ATG10: variants seen among roughly 807,000 people sequenced by gnomAD.
ATG10 encodes autophagy related 10.
In ATG10, 30 loss-of-function variants were observed where a neutral mutation model predicts 32.1. The ratio of observed to expected loss-of-function variants is 0.94; its 90% CI spans 0.70 to 1.27. The LOEUF is 1.27. ATG10 is among the 50% of genes most tolerant of loss of function. The pLI is 0.00. For missense variants in ATG10, 233 were observed against 262.3 expected (o/e 0.89, Z 0.77); for synonymous variants, 87 against 91.5 (o/e 0.95, Z 0.28).
chr5:82,242,468 C>A (rs1326061480), intron 5 of ATG10, among the ~76,000 whole-genome samples: 2 of 151,994 alleles, frequency 1.3e-5, no homozygotes, highest in Non-Finnish European at 2.9e-5. Context: ...AGAGCTGATG[C>A]TGAGAATTTT....
intron 5 of ATG10, among the ~76,000 whole-genome samples, chr5:82,194,141 T>G (rs1431346886): frequency 6.6e-6 from 1 of 152,132 alleles, no homozygotes; most frequent in African/African-American, 2.4e-5. Context: ...GCCCCATATG[T>G]GAGTGGAGAC....
At position 82,255,329 on chromosome 5, in the gene ATG10, A is replaced by G. The variant is rs1364584635; in HGVS notation, c.*1266A>G. 1.3e-5 allele frequency: 2 copies of G among 152,220 alleles called. No homozygotes were observed. Among genetic ancestry groups the G allele is most frequent in the African/African-American group, 4.8e-5 (2 of 41,456 alleles). The allele number at this position is 152,220 out of a possible 1,614,324, so 9.4% of individuals were successfully genotyped here. A position where few individuals can be genotyped will look rare whatever the true frequency, so the allele number is the denominator to read the frequency against. On this transcript the variant is annotated 3_prime_UTR_variant, in exon 8 of 8. Transcript: ENST00000282185. ...CTCACCTTTCTTGTATATAATTGGT[A>G]TTCACTAAGGCTGTAAATAAGTTTC...
At chr5:82,124,523 T>A (rs1256521680) in intron 3 of ATG10, among the ~76,000 whole-genome samples, 5 of 151,708 alleles carry the variant, frequency 3.3e-5, no homozygotes, top group Admixed American at 3.3e-4. Flanking sequence ...TGTTCAACTC[T>A]CATTTATAAG....
intron 5 of ATG10, among the ~76,000 whole-genome samples, chr5:82,185,637 A>G (rs894121814): frequency 2.0e-5 from 3 of 152,150 alleles, no homozygotes; most frequent in African/African-American, 7.2e-5. Flanking sequence ...AAATAAAAAC[A>G]CAACAAAAAA....
chr5:82,130,912 G>C (rs550027564), intron 3 of ATG10, among the ~76,000 whole-genome samples: 1 of 152,236 alleles, frequency 6.6e-6, no homozygotes, highest in South Asian at 2.1e-4. Flanking sequence ...CAATCATCAT[G>C]TCCTTTGCAG....
At chr5:82,082,487 T>C (rs1764518247) in intron 3 of ATG10, among the ~76,000 whole-genome samples, 1 of 152,198 alleles carries the variant, frequency 6.6e-6, no homozygotes, top group South Asian at 2.1e-4. Context: ...TAATGTCTCA[T>C]GGGCAGCTTC....
intron 2 of ATG10, among the ~76,000 whole-genome samples, chr5:82,036,736 G>T (rs777898248): frequency 6.6e-6 from 1 of 152,002 alleles, no homozygotes; most frequent in East Asian, 1.9e-4. Context: ...TAAAAAACTT[G>T]TTGGGATTTT....
At chr5:82,021,800 G>A (rs1388208354) in intron 2 of ATG10, among the ~76,000 whole-genome samples, 3 of 151,950 alleles carry the variant, frequency 2.0e-5, no homozygotes, top group Admixed American at 6.6e-5. Flanking sequence ...CGAGGCGGGC[G>A]GATCACAAGG....
chr5:81,974,187 A>G (rs1760807148), intron 1 of ATG10, among the ~76,000 whole-genome samples: 1 of 152,202 alleles, frequency 6.6e-6, no homozygotes. Context: ...TGTTTGAATC[A>G]TAAATATAAT....
intron 4 of ATG10, among the ~76,000 whole-genome samples, chr5:82,172,472 G>A (rs1007919130): frequency 5.9e-5 from 9 of 152,070 alleles, no homozygotes; most frequent in African/African-American, 2.2e-4. Flanking sequence ...ATTGGAAATG[G>A]TGCTTGACAC....
At chr5:82,054,361 G>A (rs1197620084) in intron 2 of ATG10, among the ~76,000 whole-genome samples, 1 of 152,168 alleles carries the variant, frequency 6.6e-6, no homozygotes, top group Non-Finnish European at 1.5e-5. Flanking sequence ...AGGAGGTCTG[G>A]GGTGAGGCTT....
At chr5:82,225,493 C>T (rs1469914455) in intron 5 of ATG10, among the ~76,000 whole-genome samples, 1 of 152,208 alleles carries the variant, frequency 6.6e-6, no homozygotes, top group Non-Finnish European at 1.5e-5. Flanking sequence ...AAGGTAAAAG[C>T]ATTTTGCTTT....
intron 5 of ATG10, among the ~76,000 whole-genome samples, chr5:82,249,429 G>C (rs2150028642): frequency 6.6e-6 from 1 of 152,172 alleles, no homozygotes; most frequent in East Asian, 1.9e-4. Flanking sequence ...TTTATTATAG[G>C]GTACCATAAG....
chr5:81,999,255 T>G (rs1761763952), intron 2 of ATG10, among the ~76,000 whole-genome samples: 1 of 151,796 alleles, frequency 6.6e-6, no homozygotes, highest in Non-Finnish European at 1.5e-5. Flanking sequence ...AACATACAAT[T>G]AATGGAAATT....
At chr5:82,227,595 C>T (rs1030739339) in intron 5 of ATG10, among the ~76,000 whole-genome samples, 10 of 152,072 alleles carry the variant, frequency 6.6e-5, no homozygotes, top group Admixed American at 2.0e-4. Context: ...AGGATGGTCT[C>T]GAACTCCCAA....
intron 3 of ATG10, among the ~76,000 whole-genome samples, chr5:82,128,446 TA>T (rs1766372996): frequency 6.6e-6 from 1 of 152,044 alleles, no homozygotes; most frequent in African/African-American, 2.4e-5. Context: ...TTTCCATATT[TA>T]GTGCTTACTT....
chr5:82,195,284 TC>T (rs1433631135), intron 5 of ATG10, among the ~76,000 whole-genome samples: 1 of 152,214 alleles, frequency 6.6e-6, no homozygotes, highest in Non-Finnish European at 1.5e-5. Context: ...GCAGGACCTC[TC>T]TAATCATACC....
intron 3 of ATG10, among the ~76,000 whole-genome samples, chr5:82,110,765 A>G (rs970228861): frequency 7.9e-5 from 12 of 151,966 alleles, no homozygotes; most frequent in African/African-American, 2.4e-4. Context: ...GTTCACTCTG[A>G]TGGTAGTTTC....
chr5:82,099,248 A>C (rs1278366321), intron 3 of ATG10, among the ~76,000 whole-genome samples: 1 of 152,184 alleles, frequency 6.6e-6, no homozygotes, highest in Non-Finnish European at 1.5e-5. Context: ...AGCCTGATAA[A>C]TTTTTAAAAA....
Sources: gnomAD v4.1 joint callset for allele counts (sites outside exome capture counted in the v4.1 genomes callset) on GRCh38, gnomAD v4.1.1 for gene constraint, MANE v1.5 for transcripts, NCBI Gene and HGNC (gene_info 2026-07-23, HGNC 2026-07-21) for gene names.